Variants in ZFHX3 observed in about 807,000 individuals in gnomAD.
The protein encoded by ZFHX3 is zinc finger homeobox protein 3.
Under a neutral mutation model 279.1 loss-of-function variants are expected in ZFHX3, and 42 were observed. The ratio of observed to expected loss-of-function variants is 0.15; its 90% CI spans 0.12 to 0.19. The LOEUF (loss-of-function observed/expected upper bound fraction) is 0.19. Among genes scored for constraint, ZFHX3 ranks in the 10% least tolerant of loss-of-function variants. The pLI is 1.00. For missense variants in ZFHX3, 4,981 were observed against 4,754.0 expected, an observed-to-expected ratio of 1.05 and a Z score of -1.40; for synonymous variants, 2,293 against 1,957.8, an observed-to-expected ratio of 1.17 and a Z score of -4.52.
intron 2 of ZFHX3, among the ~76,000 whole-genome samples, chr16:73,506,408 G>A (rs1257477845): frequency 6.6e-6 from 1 of 152,104 alleles, no homozygotes; most frequent in Non-Finnish European, 1.5e-5. Context: ...AACAGCATAT[G>A]GTGGGAAATA....
chr16:73,244,814 C>T (rs952028187), intron 5 of ZFHX3, among the ~76,000 whole-genome samples: 1 of 152,178 alleles, frequency 6.6e-6, no homozygotes, highest in Admixed American at 6.5e-5. Context: ...CAGGATGGGG[C>T]ACCCTCACAA....
intron 2 of ZFHX3, among the ~76,000 whole-genome samples, chr16:73,577,938 A>T (rs1194754373): frequency 2.0e-5 from 3 of 152,240 alleles, no homozygotes; most frequent in Non-Finnish European, 2.9e-5. Context: ...CATTTCACTG[A>T]TTCTCAGCAA....
At chr16:73,689,553 C>A (rs765497244) in intron 1 of ZFHX3, among the ~76,000 whole-genome samples, 3 of 152,168 alleles carry the variant, frequency 2.0e-5, no homozygotes, top group East Asian at 1.9e-4. Context: ...CCCCTCCCCC[C>A]ACTCATTCCA....
intron 2 of ZFHX3, among the ~76,000 whole-genome samples, chr16:73,464,583 G>T (rs1266996965): frequency 1.6e-5 from 2 of 124,360 alleles, no homozygotes; most frequent in African/African-American, 5.9e-5. Flanking sequence ...TGTTCATAAA[G>T]AATAAAATAA....
At chr16:73,104,065 T>G (rs1317417543) in intron 7 of ZFHX3, among the ~76,000 whole-genome samples, 1 of 151,846 alleles carries the variant, frequency 6.6e-6, no homozygotes, top group Admixed American at 6.6e-5. Context: ...CAAAGTAAAT[T>G]GACATGTTAG....
At chr16:73,192,729 C>T (rs994903899) in intron 5 of ZFHX3, among the ~76,000 whole-genome samples, 1 of 152,162 alleles carries the variant, frequency 6.6e-6, no homozygotes, top group Non-Finnish European at 1.5e-5. Context: ...TTAATTTTAA[C>T]CTCATGCGCT....
intron 1 of ZFHX3, among the ~76,000 whole-genome samples, chr16:73,811,439 T>A (rs1194638219): frequency 2.9e-5 from 3 of 103,596 alleles, no homozygotes; most frequent in African/African-American, 1.2e-4. Context: ...CAGTCTCTTC[T>A]TTTTTTTTTT....
chr16:72,904,513 T>C (rs2039123160), intron 3 of ZFHX3, among the ~76,000 whole-genome samples: 1 of 152,062 alleles, frequency 6.6e-6, no homozygotes, highest in South Asian at 2.1e-4. Flanking sequence ...TCAAGACCTA[T>C]CTAATCCAGT....
intron 7 of ZFHX3, chr16:73,098,643 T>G (rs2144785584): frequency 6.6e-6 from 1 of 152,506 alleles, no homozygotes; most frequent in East Asian, 1.9e-4. Context: ...ATTACAGGCG[T>G]GAGCCACTGC....
At position 72,784,675 on chromosome 16, in the gene ZFHX3, A is replaced by AAAT. The variant is rs1195972413; in HGVS notation, c.*2486_*2488dup. 7 of 152,662 alleles carry AAAT rather than the reference A, an allele frequency of 4.6e-5. No individual in the cohort carries two copies. The highest frequency in any genetic ancestry group is 1.4e-4 in the African/African-American group (6 of 41,572). The allele number at this position is 152,662 out of a possible 1,614,324, so 9.5% of individuals were successfully genotyped here. A position where few individuals can be genotyped will look rare whatever the true frequency, so the allele number is the denominator to read the frequency against. On this transcript the variant is annotated 3_prime_UTR_variant, in exon 10 of 10. Coordinates refer to ENST00000268489, the MANE Select transcript of ZFHX3 (RefSeq NM_006885.4). Reference sequence around the variant, plus strand: ...AAATACAAGATTTCTTGTTAAAAGGAAATAGCTTGTTAAAACAGTAAATGT... The same window carrying AAAT: ...AAATACAAGATTTCTTGTTAAAAGGAAATAATAGCTTGTTAAAACAGTAAATGT...
At chr16:73,004,158 A>ATTTTT (rs1567627941) in intron 1 of ZFHX3, among the ~76,000 whole-genome samples, 1 of 51,310 alleles carries the variant, frequency 1.9e-5, no homozygotes, top group African/African-American at 1.1e-4. Flanking sequence ...TAAAAACACG[A>ATTTTT]CTTTTTTTTT....
At chr16:73,254,935 C>T (rs868044439) in intron 5 of ZFHX3, among the ~76,000 whole-genome samples, 1 of 147,902 alleles carries the variant, frequency 6.8e-6, no homozygotes, top group South Asian at 2.1e-4. Flanking sequence ...CACCCACCAT[C>T]CATCCATCCA....
chr16:73,483,351 AAG>A lies in ZFHX3; in HGVS notation c.-1546-27095_-1546-27094del, dbSNP rs3087036. ...CGAGTGAGAGACAGAGAGAGAGAGA[AAG>A]AGAGAGAGAGAGAGAGTTCCTCAAG... On this transcript the variant is annotated intron_variant, in intron 2 of 17. Transcript: ENST00000641206. The A allele has an allele frequency of 7.8e-3, 3,159 of 404,006 alleles. 21 individuals are homozygous for A. Among genetic ancestry groups the A allele is most frequent in the African/African-American group, 0.025 (1,220 of 48,702 alleles). 25.0% of individuals were successfully genotyped at this position (404,006 alleles called of 1,614,324 possible). A position where few individuals can be genotyped will look rare whatever the true frequency, so the allele number is the denominator to read the frequency against.
chr16:72,899,186 G>T (rs2038971807), intron 3 of ZFHX3, among the ~76,000 whole-genome samples: 1 of 152,174 alleles, frequency 6.6e-6, no homozygotes, highest in African/African-American at 2.4e-5. Context: ...GATATAGTTT[G>T]GCTGTGTCCC....
Position 72,786,331 on chromosome 16 carries a change from T to TATCA in ZFHX3, c.*829_*832dup, listed in dbSNP as rs1294467920. On this transcript the variant is annotated 3_prime_UTR_variant, in exon 10 of 10. Coordinates refer to ENST00000268489, the MANE Select transcript of ZFHX3 (RefSeq NM_006885.4). ...ACTCAACACCAAAAATGGTCATATC[T>TATCA]ATCATAAATACAGAAAGTCAGTTTT... The TATCA allele has an allele frequency of 2.6e-5, 4 of 152,072 alleles. No homozygotes were observed. The highest frequency in any genetic ancestry group is 6.6e-5 in the Admixed American group (1 of 15,242). 9.4% of individuals were successfully genotyped at this position (152,072 alleles called of 1,614,324 possible). A position where few individuals can be genotyped will look rare whatever the true frequency, so the allele number is the denominator to read the frequency against.
rs1189188662 is a variant in ZFHX3, at chr16:72,787,030, CTTTTTTTTCTTTTTTT to C, written c.*118_*133del. 1.0e-6 allele frequency: 1 copy of C among 967,010 alleles called. No individual in the cohort carries two copies. Among genetic ancestry groups the C allele is most frequent in the Non-Finnish European group, 1.3e-6 (1 of 763,438 alleles). The allele number at this position is 967,010 out of a possible 1,614,324, so 59.9% of individuals were successfully genotyped here. ...TATGGGAAAACAACCCACGCTTTTT[CTTTTTTTTCTTTTTTT>C]TTTTTTTTTTGTTTTTTGGTTAGAA... On this transcript the variant is annotated 3_prime_UTR_variant, in exon 10 of 10. Coordinates refer to ENST00000268489, the MANE Select transcript of ZFHX3 (RefSeq NM_006885.4).
At chr16:73,772,265 G>A (rs1457310037) in intron 1 of ZFHX3, among the ~76,000 whole-genome samples, 1 of 152,210 alleles carries the variant, frequency 6.6e-6, no homozygotes, top group Non-Finnish European at 1.5e-5. Flanking sequence ...TGGACTCACA[G>A]TTCCACATGG....
chr16:73,226,654 TC>T (rs1178173666), intron 5 of ZFHX3, among the ~76,000 whole-genome samples: 3 of 152,252 alleles, frequency 2.0e-5, no homozygotes, highest in African/African-American at 7.2e-5. Context: ...GGATCAGTGT[TC>T]TTACACTTGA....
At chr16:73,366,722 G>A (rs991736845) in intron 3 of ZFHX3, among the ~76,000 whole-genome samples, 5 of 152,074 alleles carry the variant, frequency 3.3e-5, no homozygotes, top group African/African-American at 1.2e-4. Flanking sequence ...ACATGCATGT[G>A]TGTGTGTGTG....
Sources: allele counts gnomAD v4.1 joint callset (sites outside exome capture counted in the v4.1 genomes callset), GRCh38; gene constraint gnomAD v4.1.1; transcripts MANE v1.5; gene names NCBI Gene and HGNC (gene_info 2026-07-23, HGNC 2026-07-21).